The following TTC29 variants were observed in gnomAD, a reference collection of about 807,000 sequenced individuals.
TTC29 encodes tetratricopeptide repeat domain 29, also known as tetratricopeptide repeat protein 29.
Under a neutral mutation model 58.1 loss-of-function variants are expected in TTC29, and 49 were observed. The observed-to-expected ratio is 0.84, with a 90% CI of 0.67 to 1.07. The LOEUF (loss-of-function observed/expected upper bound fraction) is 1.07. Ranked by LOEUF, TTC29 falls within the 50% of genes least tolerant of loss-of-function variation. The pLI, the probability that TTC29 is intolerant of heterozygous loss-of-function variation, is 0.00. For missense variants in TTC29, 582 were observed against 555.6 expected (o/e 1.05, Z -0.48); for synonymous variants, 209 against 196.8 (o/e 1.06, Z -0.52).
chr4:146,901,040 T>C (rs1220167290), intron 6 of TTC29, among the ~76,000 whole-genome samples: 1 of 151,728 alleles, frequency 6.6e-6, no homozygotes, highest in African/African-American at 2.4e-5. Flanking sequence ...CTTCTTTTGG[T>C]GGGGGGGTCA....
chr4:146,768,644 G>GA (rs902095548), intron 11 of TTC29, among the ~76,000 whole-genome samples: 2 of 151,696 alleles, frequency 1.3e-5, no homozygotes, highest in Non-Finnish European at 2.9e-5. Flanking sequence ...TGTTGTGCCT[G>GA]AAAAAAAATG....
chr4:146,845,712 T>C (rs956686900), intron 8 of TTC29, among the ~76,000 whole-genome samples: 6 of 152,282 alleles, frequency 3.9e-5, no homozygotes, highest in African/African-American at 1.4e-4. Context: ...CACTAAGGAA[T>C]GGGCCCAGCT....
chr4:146,885,156 C>G (rs886713002), intron 6 of TTC29, among the ~76,000 whole-genome samples: 4 of 151,996 alleles, frequency 2.6e-5, no homozygotes, highest in Non-Finnish European at 5.9e-5. Flanking sequence ...GTCTTGAGAA[C>G]CTCCTCAGTC....
chr4:146,865,108 T>C (rs1390474336), intron 8 of TTC29, among the ~76,000 whole-genome samples: 1 of 152,162 alleles, frequency 6.6e-6, no homozygotes, highest in African/African-American at 2.4e-5. Context: ...TTCAATACTC[T>C]TCTGAAAGGA....
At chr4:146,787,342 G>A (rs1749097966) in intron 11 of TTC29, among the ~76,000 whole-genome samples, 1 of 152,096 alleles carries the variant, frequency 6.6e-6, no homozygotes, top group Admixed American at 6.6e-5. Flanking sequence ...AACATAATTT[G>A]ATATGTACCT....
At chr4:146,928,654 T>C (rs1227388517) in intron 4 of TTC29, among the ~76,000 whole-genome samples, 1 of 152,190 alleles carries the variant, frequency 6.6e-6, no homozygotes, top group Non-Finnish European at 1.5e-5. Flanking sequence ...TTTTATCTAT[T>C]CCTTTACTAA....
At chr4:146,832,936 T>C (rs971649395) in intron 9 of TTC29, among the ~76,000 whole-genome samples, 1 of 152,198 alleles carries the variant, frequency 6.6e-6, no homozygotes, top group Non-Finnish European at 1.5e-5. Flanking sequence ...ATATAATGAT[T>C]CCAATTTTAC....
In TTC29 at chr4:146,783,642, T is replaced by C. The variant is rs1286536850; in HGVS notation, c.1330+19815A>G. 2.0e-5 allele frequency among the ~76,000 whole-genome samples: 3 copies of C among 151,998 alleles called. No homozygotes were observed. In the South Asian group the frequency reaches 6.2e-4, roughly 32 times the overall value. Reference sequence around the variant, plus strand: ...CATAGAAGAAGTAATGTTTCAACAGTTCATCATATTTTTGGTATTTCTCAA... The same window carrying C: ...CATAGAAGAAGTAATGTTTCAACAGCTCATCATATTTTTGGTATTTCTCAA... On this transcript the variant is annotated intron_variant, in intron 11 of 12. Coordinates refer to ENST00000325106, the MANE Select transcript of TTC29 (RefSeq NM_031956.4).
chr4:146,731,072 T>A (rs1744293525), intron 11 of TTC29, among the ~76,000 whole-genome samples: 1 of 152,102 alleles, frequency 6.6e-6, no homozygotes, highest in Non-Finnish European at 1.5e-5. Flanking sequence ...TAAATGAGAA[T>A]GGATGACATA....
intron 4 of TTC29, among the ~76,000 whole-genome samples, chr4:146,910,254 G>T (rs1474282019): frequency 6.6e-6 from 1 of 151,768 alleles, no homozygotes; most frequent in Non-Finnish European, 1.5e-5. Flanking sequence ...TCTAAGCTGT[G>T]TATATTAGTA....
intron 11 of TTC29, among the ~76,000 whole-genome samples, chr4:146,746,147 A>G (rs1421251360): frequency 6.6e-6 from 1 of 152,148 alleles, no homozygotes; most frequent in Non-Finnish European, 1.5e-5. Context: ...TACCAGCCCT[A>G]GGGGAGGATA....
intron 11 of TTC29, among the ~76,000 whole-genome samples, chr4:146,745,238 C>A (rs1745457163): frequency 6.6e-6 from 1 of 152,162 alleles, no homozygotes; most frequent in Admixed American, 6.5e-5. Flanking sequence ...GGCACAGGGC[C>A]TTTGGCTCAG....
chr4:146,817,487 T>C (rs1053409524), intron 10 of TTC29, among the ~76,000 whole-genome samples: 5 of 152,172 alleles, frequency 3.3e-5, no homozygotes, highest in African/African-American at 9.6e-5. Context: ...GAATCAATAT[T>C]GTGAAAATGG....
chr4:146,923,365 C>T lies in TTC29; in HGVS notation c.177-14116G>A, dbSNP rs192166166. 2.6e-5 allele frequency among the ~76,000 whole-genome samples: 4 copies of T among 151,180 alleles called. No individual in the cohort carries two copies. The East Asian group carries it at 5.8e-4, about 22-fold the overall frequency. ...CTAACACACAGAGAAGTCAATAAATCGAAACCATCGTAAGTAGAGTTTATC... is the reference window on the plus strand; with the variant it reads ...CTAACACACAGAGAAGTCAATAAATTGAAACCATCGTAAGTAGAGTTTATC... On this transcript the variant is annotated intron_variant, in intron 4 of 12. Transcript: ENST00000325106.
intron 10 of TTC29, among the ~76,000 whole-genome samples, chr4:146,814,587 G>A (rs1429265879): frequency 6.6e-6 from 1 of 151,992 alleles, no homozygotes; most frequent in Admixed American, 6.6e-5. Context: ...TTAGCTGGGC[G>A]TGGTGGCGCA....
At chr4:146,779,536 CATCT>C (rs1748409415) in intron 11 of TTC29, among the ~76,000 whole-genome samples, 1 of 152,094 alleles carries the variant, frequency 6.6e-6, no homozygotes, top group South Asian at 2.1e-4. Flanking sequence ...GTAATTTTAA[CATCT>C]ATCTCATTAA....
At position 146,833,789 on chromosome 4, in the gene TTC29, A is replaced by T; in HGVS notation, c.977+17T>A. 1 of 1,598,656 alleles carries T rather than the reference A, an allele frequency of 6.3e-7. No homozygotes were observed. On this transcript the variant is annotated intron_variant, in intron 9 of 12. Transcript: ENST00000325106. ...GTGAATTCACAGTGACAGCAAGATG[A>T]GAATGTGCTAACTTACCTCTGCAGG...
chr4:146,897,838 GT>G (rs953588764), intron 6 of TTC29, among the ~76,000 whole-genome samples: 1 of 152,218 alleles, frequency 6.6e-6, no homozygotes. Context: ...CCAGAAGCAA[GT>G]CAGGAAAGCA....
intron 11 of TTC29, among the ~76,000 whole-genome samples, chr4:146,787,524 T>TG (rs1749112302): frequency 6.6e-6 from 1 of 152,180 alleles, no homozygotes; most frequent in African/African-American, 2.4e-5. Flanking sequence ...AAGTCTAGCG[T>TG]GCTTAGGTTT....
Sources: allele counts gnomAD v4.1 joint callset (sites outside exome capture counted in the v4.1 genomes callset), GRCh38; gene constraint gnomAD v4.1.1; transcripts MANE v1.5; gene names NCBI Gene and HGNC (gene_info 2026-07-23, HGNC 2026-07-21).